The following SEMA3E variants were observed in gnomAD, a reference collection of about 807,000 sequenced individuals.
SEMA3E encodes semaphorin 3E, also known as semaphorin-3E.
SEMA3E carries 49 observed loss-of-function variants against 93.6 expected under a neutral mutation model. That is an observed-to-expected ratio of 0.52 (90% confidence interval 0.42 to 0.66). SEMA3E has a LOEUF of 0.66. Ranked by LOEUF, SEMA3E falls within the 30% of genes least tolerant of loss-of-function variation. The pLI is 0.00. For synonymous variants in SEMA3E, 363 were observed against 330.7 expected (o/e 1.10, Z -1.06); for missense variants, 906 against 964.8 (o/e 0.94, Z 0.81).
intron 2 of SEMA3E, among the ~76,000 whole-genome samples, chr7:83,482,555 A>G (rs1219175789): frequency 1.9e-5 from 2 of 104,338 alleles, no homozygotes; most frequent in Non-Finnish European, 3.6e-5. Flanking sequence ...ACAGAGCCAC[A>G]CTCCGTCTCA....
intron 1 of SEMA3E, among the ~76,000 whole-genome samples, chr7:83,528,437 A>G (rs2115715310): frequency 6.6e-6 from 1 of 152,304 alleles, no homozygotes; most frequent in East Asian, 1.9e-4. Context: ...ATGAGAGATC[A>G]GACCATGAAA....
At chr7:83,451,981 C>A (rs1042558602) in intron 4 of SEMA3E, among the ~76,000 whole-genome samples, 1 of 152,220 alleles carries the variant, frequency 6.6e-6, no homozygotes, top group African/African-American at 2.4e-5. Context: ...CACACTCGTT[C>A]TCCTTCTTCT....
intron 1 of SEMA3E, among the ~76,000 whole-genome samples, chr7:83,645,587 T>G (rs1231753504): frequency 6.6e-6 from 1 of 152,108 alleles, no homozygotes; most frequent in East Asian, 1.9e-4. Context: ...GTATATTTTC[T>G]TAATATTAGT....
intron 1 of SEMA3E, among the ~76,000 whole-genome samples, chr7:83,581,209 A>G (rs1792510944): frequency 6.6e-6 from 1 of 152,000 alleles, no homozygotes; most frequent in Non-Finnish European, 1.5e-5. Context: ...TAGGTCTTTA[A>G]AAATAAAACT....
chr7:83,474,198 G>A (rs1394289912), intron 2 of SEMA3E, among the ~76,000 whole-genome samples: 1 of 151,196 alleles, frequency 6.6e-6, no homozygotes, highest in Non-Finnish European at 1.5e-5. Context: ...TCCCAGAAGT[G>A]AAAGAGGCTT....
intron 16 of SEMA3E, among the ~76,000 whole-genome samples, 154 bp from the exon 17 acceptor site, chr7:83,368,192 CAT>C (rs1794701341): frequency 1.5e-5 from 1 of 68,706 alleles, no homozygotes; most frequent in African/African-American, 8.1e-5. Flanking sequence ...TAAATAATTA[CAT>C]CTCTCTCTCT....
Position 83,408,485 on chromosome 7 carries a change from T to C in SEMA3E, c.553A>G (p.Ser185Gly). ...SSSFISTLIG[S>G]ELFAGLYSDY... ...CTGTAGAGTCCAGCAAACAATTCAC[T>C]ACCTACACGGGAGCATCAGTAAAAA... Residue 185 changes from serine to glycine, a missense_variant and splice_region_variant, in exon 6 of 17, where the codon AGT (serine) becomes GGT (glycine). Coordinates refer to ENST00000643230, the MANE Select transcript of SEMA3E (RefSeq NM_012431.3). 4 of 1,613,626 alleles carry C rather than the reference T, an allele frequency of 2.5e-6. No homozygotes were observed. The highest frequency in any genetic ancestry group is 3.4e-6 in the Non-Finnish European group (4 of 1,179,762).
intron 1 of SEMA3E, among the ~76,000 whole-genome samples, chr7:83,585,459 T>C (rs1792606467): frequency 6.6e-6 from 1 of 152,204 alleles, no homozygotes; most frequent in Non-Finnish European, 1.5e-5. Flanking sequence ...AAGTGAATGA[T>C]TGAATGCCGT....
intron 4 of SEMA3E, among the ~76,000 whole-genome samples, chr7:83,454,095 A>G (rs1478878771): frequency 1.3e-5 from 2 of 150,790 alleles, no homozygotes; most frequent in Non-Finnish European, 3.0e-5. Flanking sequence ...CGTCTCTACT[A>G]AAAATACAAA....
chr7:83,591,140 G>A (rs1003859996), intron 1 of SEMA3E, among the ~76,000 whole-genome samples: 19 of 144,828 alleles, frequency 1.3e-4, no homozygotes, highest in African/African-American at 4.8e-4. Flanking sequence ...AATTCTTTAA[G>A]GAATAGATAA....
At chr7:83,412,105 T>C (rs1214857995) in intron 5 of SEMA3E, among the ~76,000 whole-genome samples, 1 of 152,150 alleles carries the variant, frequency 6.6e-6, no homozygotes, top group Non-Finnish European at 1.5e-5. Flanking sequence ...CAAGCTTTTA[T>C]GTTCTCTCTG....
At chr7:83,487,963 T>G (rs1465579695) in intron 2 of SEMA3E, among the ~76,000 whole-genome samples, 1 of 149,564 alleles carries the variant, frequency 6.7e-6, no homozygotes, top group Non-Finnish European at 1.5e-5. Flanking sequence ...AGCAACATTT[T>G]AAAAACTCTA....
At chr7:83,518,382 A>G (rs889077044) in intron 1 of SEMA3E, among the ~76,000 whole-genome samples, 2 of 152,102 alleles carry the variant, frequency 1.3e-5, no homozygotes, top group Admixed American at 6.6e-5. Context: ...AAAAAAAAAT[A>G]CAAGGAAATC....
intron 1 of SEMA3E, among the ~76,000 whole-genome samples, chr7:83,575,801 A>G (rs911785953): frequency 1.3e-5 from 2 of 152,218 alleles, no homozygotes; most frequent in African/African-American, 4.8e-5. Flanking sequence ...AAGGAAAAAT[A>G]CCAATTCATA....
intron 1 of SEMA3E, among the ~76,000 whole-genome samples, chr7:83,570,848 A>C (rs1006649007): frequency 1.3e-5 from 2 of 151,088 alleles, no homozygotes; most frequent in East Asian, 3.9e-4. Flanking sequence ...GTGCAATCAG[A>C]AATGATAAAA....
intron 2 of SEMA3E, among the ~76,000 whole-genome samples, chr7:83,474,106 A>T (rs1188620867): frequency 6.6e-6 from 1 of 151,378 alleles, no homozygotes; most frequent in African/African-American, 2.4e-5. Context: ...AAAAAAAAAA[A>T]AAAAAAAAAA....
At chr7:83,623,327 A>G in intron 1 of SEMA3E, among the ~76,000 whole-genome samples, 1 of 152,200 alleles carries the variant, frequency 6.6e-6, no homozygotes, top group East Asian at 1.9e-4. Flanking sequence ...ATGATGAGAT[A>G]AAATGGAGGA....
At chr7:83,473,986 C>G (rs1789956325) in intron 2 of SEMA3E, among the ~76,000 whole-genome samples, 1 of 150,938 alleles carries the variant, frequency 6.6e-6, no homozygotes, top group African/African-American at 2.4e-5. Context: ...CCAGCTGCTC[C>G]AAGGGTGAGG....
At chr7:83,563,815 A>T (rs961579789) in intron 1 of SEMA3E, among the ~76,000 whole-genome samples, 2 of 152,156 alleles carry the variant, frequency 1.3e-5, no homozygotes, top group Admixed American at 6.5e-5. Flanking sequence ...GACTCTTTCC[A>T]TTAATCTTCC....
Sources: allele counts gnomAD v4.1 joint callset (sites outside exome capture counted in the v4.1 genomes callset), GRCh38; gene constraint gnomAD v4.1.1; transcripts MANE v1.5; gene names NCBI Gene and HGNC (gene_info 2026-07-23, HGNC 2026-07-21).